The following TMEM165 variants were observed in gnomAD, a reference collection of about 807,000 sequenced individuals.
The protein encoded by TMEM165 is transmembrane protein 165.
A neutral mutation model predicts 30.0 loss-of-function variants in TMEM165; 19 were observed. That is an observed-to-expected ratio of 0.63 (90% CI 0.44 to 0.93). The LOEUF (loss-of-function observed/expected upper bound fraction) is 0.93. TMEM165 is among the 40% of genes least tolerant of loss of function. The pLI, the probability that TMEM165 is intolerant of heterozygous loss-of-function variation, is 0.00. For missense variants in TMEM165, 340 were observed against 417.0 expected, an observed-to-expected ratio of 0.82 and a Z score of 1.61; for synonymous variants, 168 against 162.9, an observed-to-expected ratio of 1.03 and a Z score of -0.24.
intron 1 of TMEM165, chr4:55,403,400 G>A (rs747363148): frequency 2.5e-5 from 21 of 830,488 alleles, no homozygotes; most frequent in Non-Finnish European, 3.2e-5. Flanking sequence ...AACTAGAAAA[G>A]GAATTACTTT....
intron 1 of TMEM165, among the ~76,000 whole-genome samples, chr4:55,405,788 G>A (rs547034930): frequency 1.3e-5 from 2 of 152,216 alleles, no homozygotes; most frequent in South Asian, 4.1e-4. Flanking sequence ...CTGATAATTG[G>A]TCACAGTGCC....
intron 3 of TMEM165, among the ~76,000 whole-genome samples, chr4:55,444,307 T>C (rs185657226): frequency 2.0e-5 from 3 of 152,316 alleles, no homozygotes; most frequent in African/African-American, 7.2e-5. Context: ...TTACTGATGA[T>C]TGATTTATAA....
intron 4 of TMEM165, among the ~76,000 whole-genome samples, chr4:55,420,106 A>AAAAAAAAAAAATAT (rs1474254120): frequency 1.3e-4 from 6 of 45,402 alleles, no homozygotes; most frequent in Admixed American, 4.8e-4. Flanking sequence ...AAGAAAAAAA[A>AAAAAAAAAAAATAT]ATATATATAT....
intron 3 of TMEM165, among the ~76,000 whole-genome samples, chr4:55,450,806 C>A (rs1249070010): frequency 1.3e-5 from 2 of 151,910 alleles, no homozygotes; most frequent in Middle Eastern, 3.4e-3. Flanking sequence ...GAATCACAGA[C>A]CTAAATTTTA....
chr4:55,417,043 TAACA>T, intron 2 of TMEM165, 25 bp from the exon 3 acceptor site: 1 of 1,553,270 alleles, frequency 6.4e-7, no homozygotes. Context: ...CACACTCGAT[TAACA>T]AACATACTGT....
At chr4:55,414,514 G>C (rs894496145) in intron 2 of TMEM165, among the ~76,000 whole-genome samples, 1 of 151,870 alleles carries the variant, frequency 6.6e-6, no homozygotes, top group Admixed American at 6.6e-5. Context: ...GTATACATGT[G>C]CCATGGTGAT....
chr4:55,415,763 A>C (rs113839160), intron 2 of TMEM165: 1 of 152,210 alleles, frequency 6.6e-6, no homozygotes, highest in Admixed American at 6.5e-5. Flanking sequence ...AATTATTTAC[A>C]TACAGGTTAT....
intron 1 of TMEM165, among the ~76,000 whole-genome samples, chr4:55,400,268 A>G (rs1324868634): frequency 5.4e-4 from 59 of 109,326 alleles, no homozygotes; most frequent in Middle Eastern, 7.6e-3. Flanking sequence ...AATATATAAT[A>G]TATAATATAA....
chr4:55,413,634 A>G lies in TMEM165; in HGVS notation c.433+1795A>G, dbSNP rs1278865896. On this transcript the variant is annotated intron_variant, in intron 2 of 5. Coordinates refer to ENST00000381334, the MANE Select transcript of TMEM165 (RefSeq NM_018475.5). Reference sequence around the variant, plus strand: ...CTGGCCCCTGGCCCATCATTTTACAATTTTTAAACATTTTATAGAAATAAT... The same window carrying G: ...CTGGCCCCTGGCCCATCATTTTACAGTTTTTAAACATTTTATAGAAATAAT... Among the ~76,000 whole-genome samples the G allele has an allele frequency of 2.0e-5, 3 of 152,216 alleles. No homozygotes were observed. In the South Asian group the frequency reaches 6.2e-4, roughly 31 times the overall value.
At chr4:55,430,888 A>G (rs1446446244), downstream of TMEM165, 1 of 152,214 alleles carries the variant, frequency 6.6e-6, no homozygotes, top group Non-Finnish European at 1.5e-5. Flanking sequence ...CTAGGCATCT[A>G]CAATCTCTTG....
intron 3 of TMEM165, among the ~76,000 whole-genome samples, chr4:55,440,988 C>G (rs12505880): frequency 6.9e-6 from 1 of 144,660 alleles, no homozygotes; most frequent in East Asian, 2.0e-4. Context: ...AAACAAAACA[C>G]AACACAACAA....
intron 2 of TMEM165, among the ~76,000 whole-genome samples, chr4:55,413,340 A>G (rs549274882): frequency 1.1e-4 from 17 of 151,126 alleles, no homozygotes; most frequent in African/African-American, 4.1e-4. Context: ...TTTGAGACAG[A>G]CTCTTGCTCT....
chr4:55,444,902 T>C, intron 3 of TMEM165: 1 of 1,026,628 alleles, frequency 9.7e-7, no homozygotes, highest in Non-Finnish European at 1.5e-6. Context: ...CATCCTTCAC[T>C]AGTTATGTCC....
chr4:55,448,338 C>T (rs1724053800), intron 3 of TMEM165, among the ~76,000 whole-genome samples: 1 of 152,140 alleles, frequency 6.6e-6, no homozygotes, highest in African/African-American at 2.4e-5. Flanking sequence ...TGAACAGCTA[C>T]ATTTCATCCT....
At chr4:55,411,966 A>G (rs1721520455) in intron 2 of TMEM165, 127 bp downstream of exon 2, 2 of 836,536 alleles carry the variant, frequency 2.4e-6, no homozygotes, top group Admixed American at 4.3e-5. Flanking sequence ...GTGGTCTTCC[A>G]ACCTTTTCCT....
chr4:55,436,173 G>T (rs980193358), intron 3 of TMEM165, among the ~76,000 whole-genome samples: 1 of 152,040 alleles, frequency 6.6e-6, no homozygotes, highest in African/African-American at 2.4e-5. Context: ...ACCACATTGG[G>T]TTCTTAATAA....
intron 1 of TMEM165, among the ~76,000 whole-genome samples, chr4:55,405,631 C>CCCCCAT (rs2109531999): frequency 6.6e-6 from 1 of 152,244 alleles, no homozygotes; most frequent in East Asian, 1.9e-4. Context: ...TCTTTGATTC[C>CCCCCAT]CCCCATCCCG....
chr4:55,447,307 T>G (rs1723942371), intron 3 of TMEM165, among the ~76,000 whole-genome samples: 1 of 152,014 alleles, frequency 6.6e-6, no homozygotes, highest in Non-Finnish European at 1.5e-5. Context: ...GAGGTTGCAG[T>G]AAGCCGAGAT....
At chr4:55,436,988 CT>C (rs1432911227) in intron 3 of TMEM165, among the ~76,000 whole-genome samples, 2 of 146,668 alleles carry the variant, frequency 1.4e-5, no homozygotes, top group Non-Finnish European at 1.5e-5. Context: ...AGGTCCTCTC[CT>C]TTTTTTAGCT....
Sources: gnomAD v4.1 joint callset for allele counts (sites outside exome capture counted in the v4.1 genomes callset) on GRCh38, gnomAD v4.1.1 for gene constraint, MANE v1.5 for transcripts, NCBI Gene and HGNC (gene_info 2026-07-23, HGNC 2026-07-21) for gene names.